APBB1IP: variants seen among roughly 807,000 people sequenced by gnomAD.
APBB1IP encodes the protein amyloid beta A4 precursor protein-binding family B member 1-interacting protein.
APBB1IP carries 27 observed loss-of-function variants against 64.9 expected under a neutral mutation model. That is an observed-to-expected ratio of 0.42 (90% CI 0.31 to 0.57). The LOEUF (loss-of-function observed/expected upper bound fraction) is 0.57. Ranked by LOEUF, APBB1IP falls within the 20% of genes least tolerant of loss-of-function variation. APBB1IP has a pLI of 0.20. For synonymous variants in APBB1IP, 392 were observed against 331.0 expected (o/e 1.18, Z -2.00); for missense variants, 812 against 845.5 (o/e 0.96, Z 0.49).
At chr10:26,495,596 C>T (rs1836010987) in intron 3 of APBB1IP, among the ~76,000 whole-genome samples, 1 of 148,904 alleles carries the variant, frequency 6.7e-6, no homozygotes, top group African/African-American at 2.5e-5. Context: ...TAGTAAGACC[C>T]CCGTCTCATT....
intron 2 of APBB1IP, among the ~76,000 whole-genome samples, chr10:26,473,626 T>C (rs1020485805): frequency 5.3e-5 from 8 of 152,228 alleles, no homozygotes; most frequent in African/African-American, 1.7e-4. Flanking sequence ...AACTACATCA[T>C]AGGTGACCCC....
Position 26,560,142 on chromosome 10 carries a change from A to G in APBB1IP, c.1193A>G (p.Tyr398Cys). 4.3e-6 allele frequency: 7 copies of G among 1,614,164 alleles called. No individual in the cohort carries two copies. Among genetic ancestry groups the G allele is most frequent in the Non-Finnish European group, 5.9e-6 (7 of 1,180,030 alleles). ...CAGAAGGAGTCCCAGTATATCAAGTATCTCTGCTGTGATGACACAAGAACC... is the reference window on the plus strand; with the variant it reads ...CAGAAGGAGTCCCAGTATATCAAGTGTCTCTGCTGTGATGACACAAGAACC... ...QIQKESQYIKYLCCDDTRTLN... is the reference protein window; with the variant it reads ...QIQKESQYIKCLCCDDTRTLN... The change falls in exon 12 of 15, where the codon TAT (tyrosine) becomes TGT (cysteine). Residue 398 changes from tyrosine (Y) to cysteine (C), a missense_variant. Physicochemically the swap from Tyr to Cys is radical, Grantham distance 194. This residue lies in a region of APBB1IP where 37 missense variants were observed against 80.4 expected (regional missense o/e 0.46). Coordinates refer to ENST00000376236, the MANE Select transcript of APBB1IP (RefSeq NM_019043.4).
chr10:26,523,424 T>A (rs548437451), intron 8 of APBB1IP, among the ~76,000 whole-genome samples: 45 of 152,372 alleles, frequency 3.0e-4, no homozygotes, highest in African/African-American at 9.9e-4. Flanking sequence ...GCACTGGTGT[T>A]TCAAGTTGTC....
At chr10:26,443,597 C>T (rs1371961009) in intron 2 of APBB1IP, among the ~76,000 whole-genome samples, 3 of 152,010 alleles carry the variant, frequency 2.0e-5, no homozygotes, top group Non-Finnish European at 2.9e-5. Flanking sequence ...TGCAGCAGCA[C>T]AATTAAGGCT....
intron 13 of APBB1IP, among the ~76,000 whole-genome samples, chr10:26,561,783 A>T (rs1168807947): frequency 6.6e-6 from 1 of 152,140 alleles, no homozygotes; most frequent in Non-Finnish European, 1.5e-5. Context: ...CTAATTCCAG[A>T]TTATTTCAAG....
chr10:26,448,104 T>C (rs1343901675), intron 2 of APBB1IP, among the ~76,000 whole-genome samples: 1 of 151,902 alleles, frequency 6.6e-6, no homozygotes, highest in Non-Finnish European at 1.5e-5. Context: ...TATTTAACAG[T>C]AAAAATCAAG....
Position 26,500,988 on chromosome 10 carries a change from T to C in APBB1IP, c.330T>C (p.Leu110=). The change falls in exon 5 of 15, where the codon CTT becomes CTC. Residue 110 remains leucine (L), a synonymous_variant. Coordinates refer to ENST00000376236, the MANE Select transcript of APBB1IP (RefSeq NM_019043.4). The part of the protein sequence containing the change: ...QASIFSGAAS[L]GYGTNVAATG... ...CAATTTTCAGTGGTGCAGCCTCTCT[T>C]GGTTATGGAACAAATGTTGCTGCCA... is the stretch of plus-strand genomic sequence containing the variant. The C allele has an allele frequency of 6.2e-7, 1 of 1,614,202 alleles. No individual in the cohort carries two copies. The highest frequency in any genetic ancestry group is 8.5e-7 in the Non-Finnish European group (1 of 1,180,036).
intron 2 of APBB1IP, among the ~76,000 whole-genome samples, chr10:26,442,528 T>C (rs1051102450): frequency 3.9e-5 from 6 of 152,182 alleles, no homozygotes; most frequent in African/African-American, 1.4e-4. Flanking sequence ...AGCAACTGTG[T>C]TTCCCCAAAC....
chr10:26,550,721 A>G (rs944760079), intron 11 of APBB1IP, among the ~76,000 whole-genome samples: 2 of 152,170 alleles, frequency 1.3e-5, no homozygotes, highest in Non-Finnish European at 2.9e-5. Context: ...TTTGTCTGCC[A>G]GATAGCTGGC....
chr10:26,457,694 C>G (rs887435779), intron 2 of APBB1IP, among the ~76,000 whole-genome samples: 2 of 152,148 alleles, frequency 1.3e-5, no homozygotes, highest in Non-Finnish European at 2.9e-5. Flanking sequence ...GGTAGGGCTG[C>G]CTGGTGGAAA....
intron 2 of APBB1IP, among the ~76,000 whole-genome samples, chr10:26,460,885 C>T (rs947120608): frequency 6.6e-6 from 1 of 152,170 alleles, no homozygotes; most frequent in African/African-American, 2.4e-5. Flanking sequence ...ACTCCTCAGT[C>T]TAAGATGGTA....
chr10:26,514,259 C>G (rs1836297226), intron 8 of APBB1IP, among the ~76,000 whole-genome samples: 1 of 152,140 alleles, frequency 6.6e-6, no homozygotes, highest in African/African-American at 2.4e-5. Flanking sequence ...GTCCCTGTTT[C>G]TGTGTGGCTG....
intron 2 of APBB1IP, among the ~76,000 whole-genome samples, chr10:26,443,244 A>C (rs1835355202): frequency 6.6e-6 from 1 of 152,004 alleles, no homozygotes; most frequent in African/African-American, 2.4e-5. Flanking sequence ...CAACATGGTG[A>C]AACACTGTCT....
chr10:26,492,618 AG>A (rs1271573247), intron 3 of APBB1IP, among the ~76,000 whole-genome samples: 1 of 152,178 alleles, frequency 6.6e-6, no homozygotes, highest in Non-Finnish European at 1.5e-5. Flanking sequence ...CTGGGTGTCC[AG>A]GGGAGGCATC....
intron 2 of APBB1IP, among the ~76,000 whole-genome samples, chr10:26,439,455 C>G (rs1355397385): frequency 6.6e-6 from 1 of 152,196 alleles, no homozygotes; most frequent in Admixed American, 6.5e-5. Flanking sequence ...GATTTGGACA[C>G]CAGGCACAAG....
At chr10:26,469,239 TCTTTC>T in intron 2 of APBB1IP, among the ~76,000 whole-genome samples, 1 of 150,798 alleles carries the variant, frequency 6.6e-6, no homozygotes, top group Non-Finnish European at 1.5e-5. Flanking sequence ...ATAAGTGTTT[TCTTTC>T]CTTCTTTTCT....
intron 2 of APBB1IP, among the ~76,000 whole-genome samples, chr10:26,477,064 G>C (rs916543640): frequency 2.0e-5 from 3 of 152,178 alleles, no homozygotes; most frequent in Non-Finnish European, 4.4e-5. Flanking sequence ...GCCTCCCAAA[G>C]TTCTGGGATT....
chr10:26,450,690 CT>C (rs10685344), intron 2 of APBB1IP, among the ~76,000 whole-genome samples: 66 of 138,842 alleles, frequency 4.8e-4, no homozygotes, highest in Non-Finnish European at 4.6e-4. Flanking sequence ...AACTCAGATT[CT>C]TTTTTTTTTT....
At chr10:26,561,768 C>G (rs938790517) in intron 13 of APBB1IP, among the ~76,000 whole-genome samples, 1 of 152,034 alleles carries the variant, frequency 6.6e-6, no homozygotes, top group African/African-American at 2.4e-5. Context: ...GGGGAAAAAC[C>G]ACATCTAATT....
Sources: gnomAD v4.1 joint callset for allele counts (sites outside exome capture counted in the v4.1 genomes callset) on GRCh38, gnomAD v4.1.1 for gene constraint, gnomAD v4.1.1 regional missense constraint, MANE v1.5 for transcripts, NCBI Gene and HGNC (gene_info 2026-07-23, HGNC 2026-07-21) for gene names.